Variants in CFLAR observed in about 807,000 individuals in gnomAD.
The protein encoded by CFLAR is CASP8 and FADD-like apoptosis regulator.
Under a neutral mutation model 51.1 loss-of-function variants are expected in CFLAR, and 14 were observed. The observed-to-expected ratio is 0.27, with a 90% confidence interval of 0.18 to 0.43. CFLAR has a LOEUF of 0.43. Ranked by LOEUF, CFLAR falls within the 20% of genes least tolerant of loss-of-function variation. The probability of loss-of-function intolerance (pLI) is 1.00; values close to 1 mark genes in which losing one functional copy is unlikely to be tolerated. For missense variants in CFLAR, 390 were observed against 566.5 expected, an observed-to-expected ratio of 0.69 and a Z score of 3.16; for synonymous variants, 210 against 211.6, an observed-to-expected ratio of 0.99 and a Z score of 0.06.
At chr2:201,158,977 A>G (rs1205845253) in intron 8 of CFLAR, among the ~76,000 whole-genome samples, 1 of 151,436 alleles carries the variant, frequency 6.6e-6, no homozygotes, top group Non-Finnish European at 1.5e-5. Flanking sequence ...TCCCGGGTTC[A>G]AGCAATTCTC....
chr2:201,153,624 G>T (rs572409930), intron 8 of CFLAR: 1 of 152,312 alleles, frequency 6.6e-6, no homozygotes, highest in South Asian at 2.1e-4. Flanking sequence ...GAGTGCAGGA[G>T]TCAGATAATG....
chr2:201,140,774 TATAC>T (rs1280645947), intron 5 of CFLAR: 81 of 162,030 alleles, frequency 5.0e-4, no homozygotes, highest in East Asian at 3.7e-3. Flanking sequence ...TATATATATA[TATAC>T]ATACATACAT....
In CFLAR at chr2:201,171,513, G is replaced by C. The variant is rs955784573; in HGVS notation, c.*7540G>C. The C allele has an allele frequency of 1.3e-5, 2 of 152,136 alleles. No individual in the cohort carries two copies. The highest frequency in any genetic ancestry group is 2.4e-5 in the African/African-American group (1 of 41,408). 9.4% of individuals were successfully genotyped at this position (152,136 alleles called of 1,614,324 possible). ...TGGGGCCTGATGCAGGGGCCGTAGC[G>C]GGGAGAGCATCAGGATAACTAGCTA... On this transcript the variant is annotated 3_prime_UTR_variant, in exon 10 of 10. Coordinates refer to ENST00000309955, the MANE Select transcript of CFLAR (RefSeq NM_003879.7).
intron 8 of CFLAR, 85 bp downstream of exon 8, chr2:201,149,920 C>T (rs1158184506): frequency 2.0e-6 from 2 of 1,023,096 alleles, no homozygotes; most frequent in Non-Finnish European, 1.5e-6. Flanking sequence ...GTGATCAGCA[C>T]CAACTGCCGT....
chr2:201,143,832 G>A (rs1032478422), intron 5 of CFLAR, among the ~76,000 whole-genome samples: 7 of 151,640 alleles, frequency 4.6e-5, no homozygotes, highest in African/African-American at 1.2e-4. Flanking sequence ...CGCAGTGGCA[G>A]GCGCCTATAA....
Position 201,126,126 on chromosome 2 carries a change from C to T in CFLAR, c.-137-3603C>T, listed in dbSNP as rs574899526. 1.9e-4 allele frequency among the ~76,000 whole-genome samples: 29 copies of T among 152,090 alleles called. No homozygotes were observed. In the South Asian group the frequency reaches 5.2e-3, roughly 27 times the overall value. On this transcript the variant is annotated intron_variant, in intron 1 of 9. Transcript: ENST00000309955. The stretch of plus-strand genomic sequence containing the variant: ...TAGCCGGCGGCCAAGAGACAGCTAA[C>T]GCTCAAAGTTCTCTCAGCCTCGAAG...
chr2:201,156,891 T>C (rs1942268275), intron 8 of CFLAR, among the ~76,000 whole-genome samples: 1 of 152,170 alleles, frequency 6.6e-6, no homozygotes, highest in African/African-American at 2.4e-5. Flanking sequence ...TTTCTTCCTC[T>C]ATTTATGTGC....
At chr2:201,152,251 C>T (rs760275265) in intron 8 of CFLAR, among the ~76,000 whole-genome samples, 1 of 152,184 alleles carries the variant, frequency 6.6e-6, no homozygotes, top group Non-Finnish European at 1.5e-5. Context: ...CCACCTCGGC[C>T]TCCCAAAGTG....
At position 201,141,526 on chromosome 2, in the gene CFLAR, C is replaced by T. The variant is rs1264954129; in HGVS notation, c.606+1087C>T. On this transcript the variant is annotated intron_variant, in intron 5 of 9. Coordinates refer to ENST00000309955, the MANE Select transcript of CFLAR (RefSeq NM_003879.7). ...TAATGTGTTTAGCCCTTTCTTGTTGCTGTATGTTTAGATGCTTTCCAATCT... is the reference window on the plus strand; with the variant it reads ...TAATGTGTTTAGCCCTTTCTTGTTGTTGTATGTTTAGATGCTTTCCAATCT... 10 of 1,393,816 alleles carry T rather than the reference C, an allele frequency of 7.2e-6. 1 individual carries two copies. The highest frequency in any genetic ancestry group is 7.5e-6 in the Non-Finnish European group (8 of 1,066,794). 86.3% of individuals were successfully genotyped at this position (1,393,816 alleles called of 1,614,324 possible).
chr2:201,163,981 A>C lies in CFLAR; in HGVS notation c.*8A>C. On this transcript the variant is annotated 3_prime_UTR_variant, in exon 10 of 10. Coordinates refer to ENST00000309955, the MANE Select transcript of CFLAR (RefSeq NM_003879.7). ...ATCCTCTCCTACACATAAGAAACCA[A>C]AAGGCTGGGCGTAGTGGCTCACACC... 6.2e-7 allele frequency: 1 copy of C among 1,611,126 alleles called. No individual in the cohort carries two copies. The highest frequency in any genetic ancestry group is 1.3e-5 in the African/African-American group (1 of 74,896).
Position 201,149,038 on chromosome 2 carries a change from G to A in CFLAR, c.697G>A (p.Ala233Thr). 6.2e-7 allele frequency: 1 copy of A among 1,610,992 alleles called. No homozygotes were observed. The highest frequency in any genetic ancestry group is 8.5e-7 in the Non-Finnish European group (1 of 1,177,256). Reference protein sequence around the residue: ...PVKKSIQESEAFLPQSIPEER... With the variant: ...PVKKSIQESETFLPQSIPEER... ...GAAGAAATCCATTCAGGAATCAGAA[G>A]CTTTTTTGCCTCAGGTACAGAATAA... The change falls in exon 7 of 10, where the codon GCT (alanine) becomes ACT (threonine). Residue 233 changes from alanine to threonine, a missense_variant. Ala to Thr is a moderately conservative substitution (Grantham distance 58). Around this residue, in one of 2 missense-constraint regions of CFLAR, gnomAD observed 287 missense variants for 363.6 expected, o/e 0.79. Coordinates refer to ENST00000309955, the MANE Select transcript of CFLAR (RefSeq NM_003879.7).
At chr2:201,125,450 C>T (rs1470083110) in intron 1 of CFLAR, among the ~76,000 whole-genome samples, 1 of 151,914 alleles carries the variant, frequency 6.6e-6, no homozygotes, top group Non-Finnish European at 1.5e-5. Flanking sequence ...TGTTTACAAG[C>T]TGGGAGGAGC....
At chr2:201,120,792 G>A (rs2048124379) in intron 1 of CFLAR, among the ~76,000 whole-genome samples, 1 of 151,922 alleles carries the variant, frequency 6.6e-6, no homozygotes, top group African/African-American at 2.4e-5. Context: ...ATATATCTGT[G>A]TTTTTTGTTT....
At position 201,163,928 on chromosome 2, in the gene CFLAR, G is replaced by C. The variant is rs374341978; in HGVS notation, c.1398G>C (p.Trp466Cys). ...CTGCCAAGGAGAAATATTATGTCTG[G>C]CTGCAGCACACTCTGAGAAAGAAAC... ...RVSAKEKYYVWLQHTLRKKLI... is the reference protein window; with the variant it reads ...RVSAKEKYYVCLQHTLRKKLI... The change falls in exon 10 of 10, where the codon TGG (tryptophan) becomes TGC (cysteine). Residue 466 changes from tryptophan (W) to cysteine (C), a missense_variant. Trp to Cys is a radical substitution (Grantham distance 215). Coordinates refer to ENST00000309955, the MANE Select transcript of CFLAR (RefSeq NM_003879.7). The C allele has an allele frequency of 3.7e-6, 6 of 1,613,958 alleles. No homozygotes were observed. Among genetic ancestry groups the C allele is most frequent in the Non-Finnish European group, 4.2e-6 (5 of 1,180,018 alleles).
chr2:201,128,334 A>AT (rs1178038297), intron 1 of CFLAR, among the ~76,000 whole-genome samples: 2 of 152,172 alleles, frequency 1.3e-5, no homozygotes, highest in African/African-American at 4.8e-5. Flanking sequence ...TATCTTTCTG[A>AT]TAAAAAAAAG....
chr2:201,135,900 T>TA, intron 3 of CFLAR, 72 bp from the exon 4 acceptor site: 1 of 1,552,852 alleles, frequency 6.4e-7, no homozygotes, highest in Non-Finnish European at 8.7e-7. Flanking sequence ...GTGCTGGGAT[T>TA]ACAGGTATGA....
chr2:201,126,082 A>G (rs1432227882), intron 1 of CFLAR, among the ~76,000 whole-genome samples: 1 of 152,090 alleles, frequency 6.6e-6, no homozygotes, highest in Admixed American at 6.5e-5. Flanking sequence ...CTTTGAGATG[A>G]ATTAAGAGTC....
chr2:201,117,781 A>G (rs1343350911), intron 1 of CFLAR, among the ~76,000 whole-genome samples: 4 of 131,036 alleles, frequency 3.1e-5, no homozygotes, highest in Non-Finnish European at 6.3e-5. Context: ...TTGAGACAGC[A>G]TTTCACTCTT....
intron 2 of CFLAR, among the ~76,000 whole-genome samples, chr2:201,130,353 C>CTTTTTTTTTTTTTTTT (rs771361555): frequency 1.1e-4 from 10 of 92,298 alleles, no homozygotes; most frequent in Non-Finnish European, 1.5e-4. Context: ...TTCTTTCTTT[C>CTTTTTTTTTTTTTTTT]TTTTTTTTTT....
Sources: gnomAD v4.1 joint callset for allele counts (sites outside exome capture counted in the v4.1 genomes callset) on GRCh38, gnomAD v4.1.1 for gene constraint, gnomAD v4.1.1 regional missense constraint, MANE v1.5 for transcripts, NCBI Gene and HGNC (gene_info 2026-07-23, HGNC 2026-07-21) for gene names.